GK: variants seen among roughly 807,000 people sequenced by gnomAD.
The protein encoded by GK is ATP:glycerol 3-phosphotransferase.
A neutral mutation model predicts 56.4 loss-of-function variants in GK; 9 were observed. The ratio of observed to expected loss-of-function variants is 0.16; its 90% CI spans 0.10 to 0.28. GK has a LOEUF of 0.28. GK is among the 10% of genes least tolerant of loss of function. The pLI, the probability that GK is intolerant of heterozygous loss-of-function variation, is 1.00. For synonymous variants in GK, 104 were observed against 144.1 expected, an observed-to-expected ratio of 0.72 and a Z score of 1.99; for missense variants, 161 against 431.4, an observed-to-expected ratio of 0.37 and a Z score of 5.55.
At chrX:30,681,233 G>A (rs781290530) in intron 4 of GK, among the ~76,000 whole-genome samples, 1 of 112,301 alleles carries the variant, frequency 8.9e-6, no homozygotes, top group East Asian at 2.8e-4. Context: ...GGAATTAATT[G>A]ACAAGATTGA....
chrX:30,719,204 T>C (rs929274175), intron 14 of GK, among the ~76,000 whole-genome samples: 2 of 111,341 alleles, frequency 1.8e-5, no homozygotes, highest in Admixed American at 1.9e-4. Context: ...CTTGATTTCT[T>C]GAGCTAGGCT....
At chrX:30,700,710 A>G (rs2147217751) in intron 10 of GK, 128 bp from the exon 11 acceptor site, 2 of 547,494 alleles carry the variant, frequency 3.7e-6, no homozygotes, top group East Asian at 7.2e-5. Context: ...GGCCAAATGG[A>G]GAAAATGCAA....
chrX:30,712,806 G>A (rs1936407373), intron 13 of GK, among the ~76,000 whole-genome samples: 1 of 96,698 alleles, frequency 1.0e-5, no homozygotes. Flanking sequence ...CTCACTGCAA[G>A]CTCTGTCTCC....
chrX:30,689,836 A>C (rs1314828181), intron 4 of GK, among the ~76,000 whole-genome samples: 1 of 112,127 alleles, frequency 8.9e-6, no homozygotes, highest in Non-Finnish European at 1.9e-5. Context: ...AGGAGTAGAT[A>C]CTGGGCAGCA....
At position 30,720,937 on chromosome X, in the gene GK, A is replaced by G. The variant is rs2046768450; in HGVS notation, c.1443A>G (p.Glu481=). ...AAEGVGVWSL[E]PEDLSAVTME... Reference sequence around the variant, plus strand: ...AAGGAGTCGGCGTATGGAGTCTCGAACCCGAGGATTTGTCTGCCGTCACGA... The same window carrying G: ...AAGGAGTCGGCGTATGGAGTCTCGAGCCCGAGGATTTGTCTGCCGTCACGA... The change falls in exon 18 of 21, where the codon GAA becomes GAG. Residue 481 remains glutamate, a synonymous_variant. Transcript: ENST00000427190. The G allele has an allele frequency of 8.3e-7, 1 of 1,208,951 alleles. No individual in the cohort carries two copies. The highest frequency in any genetic ancestry group is 2.2e-5 in the Admixed American group (1 of 45,802).
chrX:30,681,349 G>A (rs761351644), intron 4 of GK, among the ~76,000 whole-genome samples: 18 of 112,355 alleles, frequency 1.6e-4, no homozygotes, highest in Non-Finnish European at 2.4e-4. Flanking sequence ...AGACATAGCT[G>A]AAGATGAATT....
At chrX:30,722,861 C>A (rs1936969625) in intron 18 of GK, among the ~76,000 whole-genome samples, 1 of 111,171 alleles carries the variant, frequency 9.0e-6, no homozygotes, top group South Asian at 3.8e-4. Flanking sequence ...CTGGGTGTTG[C>A]AGGCCTCAGG....
At position 30,670,809 on chromosome X, in the gene GK, C is replaced by G. The variant is rs764695744; in HGVS notation, c.259+2691C>G. 9.2e-5 allele frequency among the ~76,000 whole-genome samples: 10 copies of G among 109,090 alleles called. No homozygotes were observed. The South Asian group carries it at 4.0e-3, about 43-fold the overall frequency. The allele number at this position is 109,090 out of a possible 115,157, so 94.7% of individuals were successfully genotyped here. On this transcript the variant is annotated intron_variant, in intron 3 of 20. Coordinates refer to ENST00000427190, the MANE Select transcript of GK (RefSeq NM_001205019.2). ...ACCAGCCTGGCCAACATGGTGAAAC[C>G]CTGTTTCTACTGAAAATACAAAAAT...
At chrX:30,674,404 C>T (rs1933740236) in intron 3 of GK, 1 of 329,733 alleles carries the variant, frequency 3.0e-6, no homozygotes, top group African/African-American at 2.6e-5. Flanking sequence ...GCCAACTTTC[C>T]TTCATCACAA....
chrX:30,658,510 G>T (rs1298887367), intron 1 of GK, among the ~76,000 whole-genome samples: 1 of 111,987 alleles, frequency 8.9e-6, no homozygotes, highest in Non-Finnish European at 1.9e-5. Flanking sequence ...TAGAGACGGG[G>T]TTTCACCATG....
At chrX:30,697,706 TTC>T in intron 8 of GK, 24 bp from the exon 9 acceptor site, 2 of 1,105,145 alleles carry the variant, frequency 1.8e-6, no homozygotes, top group African/African-American at 1.8e-5. Context: ...GCTTCTATCC[TTC>T]TCTCTCCCCC....
intron 1 of GK, among the ~76,000 whole-genome samples, chrX:30,663,837 A>G (rs1285107659): frequency 9.5e-6 from 1 of 105,321 alleles, no homozygotes; most frequent in Non-Finnish European, 1.9e-5. Context: ...ATTTTAATCA[A>G]AATATGCATC....
chrX:30,708,671 T>C (rs1306539755), intron 13 of GK, among the ~76,000 whole-genome samples: 2 of 112,023 alleles, frequency 1.8e-5, no homozygotes, highest in Admixed American at 1.9e-4. Context: ...ATAGTAGGAA[T>C]ATGCCAGCCT....
chrX:30,678,614 C>T (rs754405280), intron 4 of GK, among the ~76,000 whole-genome samples: 1 of 107,645 alleles, frequency 9.3e-6, no homozygotes, highest in African/African-American at 3.4e-5. Context: ...ATTAAATTCT[C>T]AAAAAATTTG....
chrX:30,665,026 G>A (rs1400157692), intron 1 of GK, among the ~76,000 whole-genome samples: 2 of 111,216 alleles, frequency 1.8e-5, no homozygotes, highest in East Asian at 5.6e-4. Flanking sequence ...TTTTATAAGA[G>A]CTAGATGCGT....
intron 1 of GK, 118 bp downstream of exon 1, chrX:30,653,733 C>A: frequency 1.4e-6 from 1 of 705,129 alleles, no homozygotes; most frequent in Non-Finnish European, 2.2e-6. Flanking sequence ...GGCCGCTGGG[C>A]AAGGAGGGAG....
intron 3 of GK, among the ~76,000 whole-genome samples, chrX:30,675,822 C>T (rs746324995): frequency 1.4e-4 from 16 of 110,462 alleles, no homozygotes; most frequent in Non-Finnish European, 3.0e-4. Context: ...TACAGTCTCC[C>T]TCTGTCGCCT....
Position 30,724,081 on chromosome X carries a change from T to C in GK, c.1502-20T>C. The C allele has an allele frequency of 9.7e-7, 1 of 1,032,263 alleles. No homozygotes were observed. 85.1% of individuals were successfully genotyped at this position (1,032,263 alleles called of 1,213,427 possible). On this transcript the variant is annotated intron_variant, in intron 18 of 20. Coordinates refer to ENST00000427190, the MANE Select transcript of GK (RefSeq NM_001205019.2). ...GCAAACTACCTTTCGTTATGTGTTT[T>C]TTCTACCTTCTAATTCTAGAAAGTG...
chrX:30,725,068 A>G (rs1351404227), intron 19 of GK, among the ~76,000 whole-genome samples: 4 of 109,925 alleles, frequency 3.6e-5, no homozygotes, highest in Non-Finnish European at 7.6e-5. Context: ...TTTTTAGGAG[A>G]GACGGGGTTT....
Sources: allele counts gnomAD v4.1 joint callset (sites outside exome capture counted in the v4.1 genomes callset), GRCh38; gene constraint gnomAD v4.1.1; transcripts MANE v1.5; gene names NCBI Gene and HGNC (gene_info 2026-07-23, HGNC 2026-07-21).